Variants in FAM9A observed in about 807,000 individuals in gnomAD.
FAM9A encodes family with sequence similarity 9 member A, also known as protein FAM9A.
In FAM9A, 49 loss-of-function variants were observed where a neutral mutation model predicts 25.0. The observed-to-expected ratio is 1.96, with a 90% CI of 1.56 to 2.48. The LOEUF (loss-of-function observed/expected upper bound fraction) is 2.48, where lower values mean the gene tolerates loss of function less well. Among genes scored for constraint, FAM9A ranks in the 30% most tolerant of loss-of-function variants. FAM9A has a pLI of 0.00. For synonymous variants in FAM9A, 80 were observed against 85.1 expected (o/e 0.94, Z 0.33); for missense variants, 266 against 249.3 (o/e 1.07, Z -0.45).
chrX:8,793,388 G>A (rs752018906), intron 8 of FAM9A, among the ~76,000 whole-genome samples: 1 of 111,750 alleles, frequency 8.9e-6, no homozygotes, highest in African/African-American at 3.3e-5. Context: ...GTGTCAATGC[G>A]TTAACAATAT....
chrX:8,800,695 C>T (rs1343260365), intron 1 of FAM9A, among the ~76,000 whole-genome samples: 2 of 90,357 alleles, frequency 2.2e-5, no homozygotes, highest in African/African-American at 8.2e-5. Context: ...CCCTGCTTGT[C>T]GCCTCCCCAC....
At chrX:8,797,219 G>A (rs1013723413) in intron 5 of FAM9A, among the ~76,000 whole-genome samples, 6 of 112,402 alleles carry the variant, frequency 5.3e-5, no homozygotes, top group Non-Finnish European at 3.8e-5. Flanking sequence ...TATACTGCTT[G>A]TATGAATTAT....
chrX:8,798,859 G>A, intron 3 of FAM9A, 107 bp downstream of exon 3: 9 of 1,141,728 alleles, frequency 7.9e-6, no homozygotes, highest in Non-Finnish European at 1.1e-5. Flanking sequence ...CCAAAGCCAC[G>A]AAGGGGCCAG....
At chrX:8,798,666 T>G (rs1194310269) in intron 3 of FAM9A, among the ~76,000 whole-genome samples, 187 bp from the exon 4 acceptor site, 1 of 112,440 alleles carries the variant, frequency 8.9e-6, no homozygotes, top group Non-Finnish European at 1.9e-5. Flanking sequence ...GCCCTTCCGG[T>G]TCAAGTCCTA....
At chrX:8,800,276 G>A in intron 1 of FAM9A, 67 bp from the exon 2 acceptor site, 1 of 1,000,394 alleles carries the variant, frequency 1.0e-6, no homozygotes, top group Non-Finnish European at 1.4e-6. Context: ...GAGCCAACGG[G>A]ATCTCGGATT....
At chrX:8,791,915 A>C (rs1406840749) in intron 8 of FAM9A, among the ~76,000 whole-genome samples, 1 of 112,120 alleles carries the variant, frequency 8.9e-6, no homozygotes, top group Non-Finnish European at 1.9e-5. Context: ...AAATGTAAGC[A>C]CAATCTCTTC....
chrX:8,792,194 G>T (rs749163028), intron 8 of FAM9A, among the ~76,000 whole-genome samples: 1 of 111,328 alleles, frequency 9.0e-6, no homozygotes, highest in Non-Finnish European at 1.9e-5. Flanking sequence ...GACAGAGGGC[G>T]GCAAGCCTAA....
In FAM9A at chrX:8,793,746, T is replaced by C. The variant is rs781528968; in HGVS notation, c.842A>G (p.Gln281Arg). ...TTGTTGCCACCTCTTCTGTTTTTCT[T>C]GAAATGCTTTCTAGAAGCACAAAAA... ...EEEEEQIKAFQEKQKRWQQPT... is the reference protein window; with the variant it reads ...EEEEEQIKAFREKQKRWQQPT... Residue 281 changes from glutamine (Q) to arginine (R), a missense_variant, in exon 8 of 10, where the codon CAA (glutamine) becomes CGA (arginine). By Grantham distance (43) the Gln-to-Arg change is conservative. Transcript: ENST00000381003. 1.4e-5 allele frequency: 17 copies of C among 1,200,822 alleles called. No individual in the cohort carries two copies. The highest frequency in any genetic ancestry group is 3.5e-5 in the African/African-American group (2 of 57,101).
rs373401877 is a variant in FAM9A, at chrX:8,795,281, C to T, written c.628G>A (p.Ala210Thr). Residue 210 changes from alanine to threonine, a missense_variant, in exon 7 of 10, where the codon GCA becomes ACA. By Grantham distance (58) the Ala-to-Thr change is moderately conservative. Coordinates refer to ENST00000381003, the MANE Select transcript of FAM9A (RefSeq NM_174951.3). ...AAEAAAAAEA[A>T]AAAAEVIVVE... ...ACTATTACTTCTGCTGCTGCTGCTG[C>T]GGCTTCTGCTGCTGCTGCGGCTTCT... 14 of 1,192,886 alleles carry T rather than the reference C, an allele frequency of 1.2e-5. No homozygotes were observed. The highest frequency in any genetic ancestry group is 9.0e-5 in the Admixed American group (4 of 44,381).
chrX:8,793,730 C>A lies in FAM9A; in HGVS notation c.858G>T (p.Arg286Ser). 1 of 1,209,457 alleles carries A rather than the reference C, an allele frequency of 8.3e-7. No individual in the cohort carries two copies. The highest frequency in any genetic ancestry group is 1.1e-6 in the Non-Finnish European group (1 of 894,283). Reference protein sequence around the residue: ...QIKAFQEKQKRWQQPTGVRSW... With the variant: ...QIKAFQEKQKSWQQPTGVRSW... ...TCCTAACACCTGTAGGTTGTTGCCACCTCTTCTGTTTTTCTTGAAATGCTT... is the reference window on the plus strand; with the variant it reads ...TCCTAACACCTGTAGGTTGTTGCCAACTCTTCTGTTTTTCTTGAAATGCTT... The change falls in exon 8 of 10, where the codon AGG (arginine) becomes AGT (serine). Residue 286 changes from arginine to serine, a missense_variant. By Grantham distance (110) the Arg-to-Ser change is moderately radical. Transcript: ENST00000381003.
chrX:8,796,923 T>C (rs1933540829), intron 5 of FAM9A, among the ~76,000 whole-genome samples: 1 of 112,296 alleles, frequency 8.9e-6, no homozygotes, highest in Non-Finnish European at 1.9e-5. Flanking sequence ...TAGGCTTAAG[T>C]AAAGAAATAC....
chrX:8,796,436 G>A (rs1933534929), intron 5 of FAM9A, 54 bp from the exon 6 acceptor site: 5 of 784,512 alleles, frequency 6.4e-6, no homozygotes, highest in African/African-American at 4.2e-5. Context: ...TGGTTTCTTC[G>A]CATATATTGA....
chrX:8,797,805 G>GAT (rs887427129), intron 5 of FAM9A, among the ~76,000 whole-genome samples: 1 of 111,152 alleles, frequency 9.0e-6, no homozygotes, highest in Non-Finnish European at 1.9e-5. Flanking sequence ...AAAAAAACCT[G>GAT]ATATATATAC....
Position 8,793,732 on chromosome X carries a change from T to C in FAM9A, c.856A>G (p.Arg286Gly). Residue 286 changes from arginine to glycine, a missense_variant, in exon 8 of 10, where the codon AGG becomes GGG. Physicochemically the swap from Arg to Gly is moderately radical, Grantham distance 125. Coordinates refer to ENST00000381003, the MANE Select transcript of FAM9A (RefSeq NM_174951.3). ...QIKAFQEKQK[R>G]WQQPTGVRSW... ...CTAACACCTGTAGGTTGTTGCCACC[T>C]CTTCTGTTTTTCTTGAAATGCTTTC... 8.3e-7 allele frequency: 1 copy of C among 1,209,114 alleles called. No individual in the cohort carries two copies. Among genetic ancestry groups the C allele is most frequent in the Admixed American group, 2.2e-5 (1 of 45,702 alleles).
At chrX:8,793,575 C>A in intron 8 of FAM9A, 83 bp downstream of exon 8, 1 of 796,687 alleles carries the variant, frequency 1.3e-6, no homozygotes, top group African/African-American at 2.1e-5. Context: ...AATGTCTTTC[C>A]ATACATTCGG....
chrX:8,796,166 T>C, intron 6 of FAM9A, 102 bp downstream of exon 6: 1 of 628,545 alleles, frequency 1.6e-6, no homozygotes, highest in Non-Finnish European at 2.5e-6. Flanking sequence ...TGTTGCTCCC[T>C]AGAGACGCCA....
intron 7 of FAM9A, 149 bp from the exon 8 acceptor site, chrX:8,793,905 T>G (rs776056037): frequency 1.3e-4 from 57 of 430,705 alleles, no homozygotes; most frequent in African/African-American, 1.3e-3. Flanking sequence ...TTTAAACAAC[T>G]GTGTTCACCA....
At chrX:8,797,563 C>A (rs925334245) in intron 5 of FAM9A, among the ~76,000 whole-genome samples, 4 of 111,280 alleles carry the variant, frequency 3.6e-5, no homozygotes, top group Non-Finnish European at 7.5e-5. Flanking sequence ...AAATTAGGAA[C>A]ATAAAAACTC....
chrX:8,797,701 T>C (rs1046589742), intron 5 of FAM9A, among the ~76,000 whole-genome samples: 1 of 111,216 alleles, frequency 9.0e-6, no homozygotes, highest in African/African-American at 3.3e-5. Context: ...GCTTATAACC[T>C]GGGTGATAAA....
Sources: allele counts gnomAD v4.1 joint callset (sites outside exome capture counted in the v4.1 genomes callset), GRCh38; gene constraint gnomAD v4.1.1; transcripts MANE v1.5; gene names NCBI Gene and HGNC (gene_info 2026-07-23, HGNC 2026-07-21).